Variants in DPP6 observed in about 807,000 individuals in gnomAD.
DPP6 encodes the protein dipeptidyl peptidase like 6.
A neutral mutation model predicts 122.6 loss-of-function variants in DPP6; 69 were observed. The observed-to-expected ratio is 0.56, with a 90% CI of 0.46 to 0.69. The LOEUF (loss-of-function observed/expected upper bound fraction) is 0.69. Among genes scored for constraint, DPP6 ranks in the 30% least tolerant of loss-of-function variants. The pLI, the probability that DPP6 is intolerant of heterozygous loss-of-function variation, is 0.00. For synonymous variants in DPP6, 418 were observed against 433.1 expected (o/e 0.97, Z 0.43); for missense variants, 928 against 1,116.9 (o/e 0.83, Z 2.41).
chr7:153,890,921 C>T (rs1356430117), intron 1 of DPP6, among the ~76,000 whole-genome samples: 1 of 149,242 alleles, frequency 6.7e-6, no homozygotes, highest in East Asian at 2.0e-4. Flanking sequence ...TGGTCTTGAA[C>T]CCCTGACCTC....
Position 154,877,610 on chromosome 7 carries a change from G to C in DPP6, c.2078+1510G>C, listed in dbSNP as rs990477732. Reference sequence around the variant, plus strand: ...CTCAGTCACGGGGTGGCCCTCAGTAGCACCTGGCTCCATGCTTCGTCATCT... The same window carrying C: ...CTCAGTCACGGGGTGGCCCTCAGTACCACCTGGCTCCATGCTTCGTCATCT... On this transcript the variant is annotated intron_variant, in intron 20 of 25. Coordinates refer to ENST00000377770, the MANE Select transcript of DPP6 (RefSeq NM_130797.4). This position sits in a 1 kb window ranked among gnomAD's most constrained non-coding sequence, Gnocchi z 5.2. Among the ~76,000 whole-genome samples the C allele has an allele frequency of 3.9e-5, 6 of 152,164 alleles. 1 individual carries two copies. The highest frequency in any genetic ancestry group is 1.4e-4 in the African/African-American group (6 of 41,430).
intron 17 of DPP6, among the ~76,000 whole-genome samples, chr7:154,862,144 A>T (rs914785373): frequency 1.3e-5 from 2 of 152,178 alleles, no homozygotes; most frequent in African/African-American, 2.4e-5. Context: ...CTCATCCTTC[A>T]TGTGGAGCCC....
intron 1 of DPP6, among the ~76,000 whole-genome samples, chr7:154,140,426 C>G (rs1161701859): frequency 6.6e-6 from 1 of 152,194 alleles, no homozygotes; most frequent in East Asian, 1.9e-4. Context: ...TGATAGAAAA[C>G]CATGGAGCTT....
At chr7:154,654,245 A>C (rs911378522) in intron 6 of DPP6, among the ~76,000 whole-genome samples, 3 of 152,024 alleles carry the variant, frequency 2.0e-5, no homozygotes, top group African/African-American at 7.2e-5. Context: ...CATGGATACC[A>C]AGGATGACTG....
intron 1 of DPP6, among the ~76,000 whole-genome samples, chr7:154,379,694 T>C (rs2151138822): frequency 6.6e-6 from 1 of 152,322 alleles, no homozygotes; most frequent in Non-Finnish European, 1.5e-5. Context: ...TAAAAATTAT[T>C]GTCATAGATT....
At chr7:154,307,373 C>T (rs1018877490) in intron 1 of DPP6, among the ~76,000 whole-genome samples, 2 of 152,286 alleles carry the variant, frequency 1.3e-5, no homozygotes, top group East Asian at 1.9e-4. Flanking sequence ...ATGGCTACAG[C>T]GAGCAGGTGG....
intron 1 of DPP6, among the ~76,000 whole-genome samples, chr7:154,286,804 CTTTT>C (rs113416741): frequency 7.5e-6 from 1 of 133,932 alleles, no homozygotes. Context: ...ATGATTTCTT[CTTTT>C]TTTTTTTTTT....
intron 16 of DPP6, among the ~76,000 whole-genome samples, chr7:154,837,458 G>C (rs1259803380): frequency 1.3e-5 from 2 of 152,254 alleles, no homozygotes; most frequent in African/African-American, 4.8e-5. Flanking sequence ...GCACACACAC[G>C]TGGGATGTGC....
chr7:154,590,395 A>G (rs1026157822), intron 5 of DPP6, among the ~76,000 whole-genome samples: 3 of 151,010 alleles, frequency 2.0e-5, no homozygotes, highest in African/African-American at 7.3e-5. Flanking sequence ...CATAATTTCT[A>G]GTGTCTTTTT....
chr7:154,204,318 G>A (rs1488685369), intron 1 of DPP6, among the ~76,000 whole-genome samples: 1 of 152,224 alleles, frequency 6.6e-6, no homozygotes, highest in Admixed American at 6.5e-5. Context: ...GACAGCTCCT[G>A]TGTCTCCTGG....
chr7:154,151,098 C>T (rs1246798427), intron 1 of DPP6, among the ~76,000 whole-genome samples: 1 of 152,236 alleles, frequency 6.6e-6, no homozygotes, highest in Non-Finnish European at 1.5e-5. Flanking sequence ...GTCCCTAAAG[C>T]TCAGACGATG....
chr7:153,960,754 A>C (rs1795315079), intron 1 of DPP6, among the ~76,000 whole-genome samples: 1 of 149,068 alleles, frequency 6.7e-6, no homozygotes, highest in Non-Finnish European at 1.5e-5. Flanking sequence ...TGATTTCTCC[A>C]GGTGCCCTCA....
intron 7 of DPP6, among the ~76,000 whole-genome samples, chr7:154,725,933 C>T (rs1232896653): frequency 6.6e-6 from 1 of 152,128 alleles, no homozygotes; most frequent in African/African-American, 2.4e-5. Context: ...GGCTACAGGC[C>T]ACATGCAAGT....
At chr7:154,465,669 T>G (rs1255405641) in intron 2 of DPP6, among the ~76,000 whole-genome samples, 2 of 152,182 alleles carry the variant, frequency 1.3e-5, no homozygotes, top group African/African-American at 4.8e-5. Flanking sequence ...ACTATCTCAC[T>G]GCAGTTAGAA....
chr7:153,824,423 A>G, the DPP6 span, among the ~76,000 whole-genome samples: 1 of 144,584 alleles, frequency 6.9e-6, no homozygotes, highest in Non-Finnish European at 1.5e-5. Context: ...GTAGTGGCTC[A>G]TGCCTGTAAT....
In DPP6 at chr7:154,807,293, A is replaced by G. The variant is rs2293358; in HGVS notation, c.1666+181A>G. ...TGGTGCAAGATGACTGGACCCCCAC[A>G]GAGCCTGGTGCAGTGGGGCTACTTT... On this transcript the variant is annotated intron_variant, in intron 16 of 25. Transcript: ENST00000377770. Among the ~76,000 whole-genome samples, 51,392 of 151,976 alleles carry G rather than the reference A, an allele frequency of 0.34. 10,488 individuals carry two copies. Among genetic ancestry groups the G allele is most frequent in the East Asian group, 0.49 (2,527 of 5,110 alleles).
At chr7:154,484,429 G>A (rs762190227) in intron 3 of DPP6, among the ~76,000 whole-genome samples, 14 of 152,194 alleles carry the variant, frequency 9.2e-5, no homozygotes, top group African/African-American at 1.2e-4. Flanking sequence ...CCCATGCCCT[G>A]TGCTCTGAGC....
intron 10 of DPP6, among the ~76,000 whole-genome samples, chr7:154,778,988 CACCTCCACA>C (rs1180066403): frequency 8.0e-5 from 12 of 150,456 alleles, no homozygotes; most frequent in Non-Finnish European, 1.3e-4. Flanking sequence ...TCACCTCCAT[CACCTCCACA>C]ACCTCCACCA....
chr7:154,377,914 G>A (rs1813270094), intron 1 of DPP6, among the ~76,000 whole-genome samples: 1 of 152,202 alleles, frequency 6.6e-6, no homozygotes, highest in Non-Finnish European at 1.5e-5. Flanking sequence ...ATGGATTTGG[G>A]TGAGCCGGGG....
Sources: gnomAD v4.1 joint callset for allele counts (sites outside exome capture counted in the v4.1 genomes callset) on GRCh38, gnomAD v4.1.1 for gene constraint, Gnocchi (gnomAD v3.1) non-coding constraint, MANE v1.5 for transcripts, NCBI Gene and HGNC (gene_info 2026-07-23, HGNC 2026-07-21) for gene names.